MALRD1: variants seen among roughly 807,000 people sequenced by gnomAD.
The protein encoded by MALRD1 is MAM and LDL-receptor class A domain-containing protein 1.
In MALRD1, 247 loss-of-function variants were observed where a neutral mutation model predicts 242.1. The ratio of observed to expected loss-of-function variants is 1.02; its 90% CI spans 0.92 to 1.13. MALRD1 has a LOEUF of 1.13. Among genes scored for constraint, MALRD1 ranks in the 50% most tolerant of loss-of-function variants. The pLI is 0.00. For synonymous variants in MALRD1, 995 were observed against 866.6 expected, an observed-to-expected ratio of 1.15 and a Z score of -2.60; for missense variants, 2,989 against 2,533.1, an observed-to-expected ratio of 1.18 and a Z score of -3.86.
At chr10:19,499,842 C>G (rs550948123) in intron 31 of MALRD1, among the ~76,000 whole-genome samples, 2 of 152,258 alleles carry the variant, frequency 1.3e-5, no homozygotes, top group African/African-American at 2.4e-5. Flanking sequence ...TCATGCTATT[C>G]AATTACAGTA....
chr10:19,301,255 G>C (rs1263121463), intron 21 of MALRD1, among the ~76,000 whole-genome samples: 1 of 151,936 alleles, frequency 6.6e-6, no homozygotes, highest in Non-Finnish European at 1.5e-5. Context: ...CTTATACCCT[G>C]CTGGTGGCAA....
intron 18 of MALRD1, among the ~76,000 whole-genome samples, chr10:19,255,676 G>C (rs1237230673): frequency 6.6e-6 from 1 of 152,136 alleles, no homozygotes; most frequent in Non-Finnish European, 1.5e-5. Context: ...CTAACATTTA[G>C]AGGTTAGCAA....
chr10:19,456,338 T>C (rs552434310), intron 29 of MALRD1, among the ~76,000 whole-genome samples: 37 of 151,990 alleles, frequency 2.4e-4, no homozygotes, highest in Non-Finnish European at 4.3e-4. Flanking sequence ...TTATAGCCAC[T>C]TTTGCATCTT....
At chr10:19,247,546 C>T (rs867084456) in intron 18 of MALRD1, among the ~76,000 whole-genome samples, 19 of 151,760 alleles carry the variant, frequency 1.3e-4, no homozygotes, top group East Asian at 7.7e-4. Context: ...CCCCCACCCC[C>T]GAACTACATT....
intron 20 of MALRD1, among the ~76,000 whole-genome samples, chr10:19,280,858 C>T (rs1382056488): frequency 6.6e-6 from 1 of 152,184 alleles, no homozygotes; most frequent in Non-Finnish European, 1.5e-5. Context: ...ATGAGCAAAG[C>T]ATAAGATCAG....
intron 29 of MALRD1, among the ~76,000 whole-genome samples, chr10:19,462,246 C>T (rs1445279402): frequency 6.6e-6 from 1 of 152,222 alleles, no homozygotes; most frequent in Non-Finnish European, 1.5e-5. Flanking sequence ...TCTCCACCTA[C>T]TTCCTTTATG....
chr10:19,678,454 G>T (rs1056143896), intron 36 of MALRD1, among the ~76,000 whole-genome samples: 1 of 152,076 alleles, frequency 6.6e-6, no homozygotes, highest in Non-Finnish European at 1.5e-5. Context: ...GTCCATTCAT[G>T]ATTTGGCTCT....
At chr10:19,607,584 G>A (rs1173901030) in intron 34 of MALRD1, among the ~76,000 whole-genome samples, 193 bp from the exon 35 acceptor site, 5 of 151,988 alleles carry the variant, frequency 3.3e-5, no homozygotes, top group African/African-American at 4.8e-5. Context: ...AGGCAAATGT[G>A]GTTTTTCTTT....
chr10:19,166,962 G>A (rs557332418), intron 13 of MALRD1, among the ~76,000 whole-genome samples: 21 of 152,170 alleles, frequency 1.4e-4, no homozygotes, highest in Non-Finnish European at 2.5e-4. Flanking sequence ...ATTTCCTAAT[G>A]TGTGAAAACC....
intron 26 of MALRD1, among the ~76,000 whole-genome samples, chr10:19,354,895 A>G (rs923566485): frequency 1.3e-5 from 2 of 152,184 alleles, no homozygotes; most frequent in Non-Finnish European, 2.9e-5. Flanking sequence ...GTATCCATAA[A>G]TATTAAAAAT....
chr10:19,666,436 C>G (rs1414578439), intron 36 of MALRD1, among the ~76,000 whole-genome samples: 1 of 152,136 alleles, frequency 6.6e-6, no homozygotes, highest in Non-Finnish European at 1.5e-5. Context: ...TGGAATCAGT[C>G]TAGTACTTTC....
At chr10:19,285,945 G>C (rs1841091313) in intron 21 of MALRD1, among the ~76,000 whole-genome samples, 1 of 102,164 alleles carries the variant, frequency 9.8e-6, no homozygotes, top group Non-Finnish European at 1.9e-5. Context: ...GTGGTTTGTA[G>C]TTCTCCTTGA....
chr10:19,112,663 G>A (rs1262517479), intron 5 of MALRD1, among the ~76,000 whole-genome samples: 1 of 152,106 alleles, frequency 6.6e-6, no homozygotes, highest in East Asian at 1.9e-4. Context: ...AATGTTTTTG[G>A]CCATATCATT....
chr10:19,694,197 A>G (rs1247681350), intron 38 of MALRD1, among the ~76,000 whole-genome samples: 2 of 152,238 alleles, frequency 1.3e-5, no homozygotes, highest in Non-Finnish European at 2.9e-5. Flanking sequence ...CACCAAAAGC[A>G]ATGGCAACAA....
intron 10 of MALRD1, among the ~76,000 whole-genome samples, chr10:19,143,683 G>C (rs1475689370): frequency 6.6e-6 from 1 of 152,212 alleles, no homozygotes; most frequent in Non-Finnish European, 1.5e-5. Context: ...TAACCTTGTA[G>C]AGAGGTGGAA....
intron 29 of MALRD1, among the ~76,000 whole-genome samples, chr10:19,487,846 A>G (rs1209515369): frequency 6.6e-6 from 1 of 152,122 alleles, no homozygotes; most frequent in Non-Finnish European, 1.5e-5. Context: ...TCATATTTGT[A>G]TATACCAAAT....
At chr10:19,203,583 C>T in intron 14 of MALRD1, 145 bp from the exon 15 acceptor site, 4 of 768,542 alleles carry the variant, frequency 5.2e-6, no homozygotes, top group Non-Finnish European at 7.6e-6. Flanking sequence ...GAGAAAGGAT[C>T]TTTTTTATTT....
intron 36 of MALRD1, among the ~76,000 whole-genome samples, chr10:19,678,053 G>C (rs1214238390): frequency 1.3e-5 from 2 of 152,036 alleles, no homozygotes; most frequent in Non-Finnish European, 2.9e-5. Context: ...CTAGTACCAT[G>C]CTGTTTTGGT....
rs75840617 is a variant in MALRD1 at position 19,177,346 on chromosome 10, A to G, written c.1951+2018A>G. ...AGGATTACCTTATTTTTGTTGTTTA[A>G]TTAAAGATTTTCTTTCTCTTAATTA... On this transcript the variant is annotated intron_variant, in intron 14 of 39. Transcript: ENST00000454679. Among the ~76,000 whole-genome samples, 1,349 of 151,974 alleles carry G rather than the reference A, an allele frequency of 8.9e-3. 23 individuals are homozygous for G. Among genetic ancestry groups the G allele is most frequent in the African/African-American group, 0.031 (1,270 of 41,456 alleles).
Sources: gnomAD v4.1 joint callset for allele counts (sites outside exome capture counted in the v4.1 genomes callset) on GRCh38, gnomAD v4.1.1 for gene constraint, MANE v1.5 for transcripts, NCBI Gene and HGNC (gene_info 2026-07-23, HGNC 2026-07-21) for gene names.